GRM8: variants seen among roughly 807,000 people sequenced by gnomAD.
GRM8 encodes glutamate metabotropic receptor 8, also known as metabotropic glutamate receptor 8.
A neutral mutation model predicts 87.2 loss-of-function variants in GRM8; 47 were observed. The observed-to-expected ratio is 0.54, with a 90% confidence interval of 0.43 to 0.69. GRM8 has a LOEUF of 0.69. Among genes scored for constraint, GRM8 ranks in the 30% least tolerant of loss-of-function variants. The pLI is 0.00. For missense variants in GRM8, 1,019 were observed against 1,139.2 expected (o/e 0.89, Z 1.52); for synonymous variants, 396 against 404.5 (o/e 0.98, Z 0.25).
intron 1 of GRM8, among the ~76,000 whole-genome samples, chr7:127,245,172 T>C (rs1303071862): frequency 2.0e-5 from 3 of 152,226 alleles, no homozygotes; most frequent in Admixed American, 1.3e-4. Flanking sequence ...TGATAGGCCA[T>C]AAATTACACC....
intron 2 of GRM8, among the ~76,000 whole-genome samples, chr7:127,151,522 T>C (rs1828858956): frequency 6.6e-6 from 1 of 152,102 alleles, no homozygotes; most frequent in Admixed American, 6.6e-5. Context: ...ATTAAGGGGA[T>C]CATCAACAAC....
chr7:126,647,665 G>T (rs1803314511), intron 7 of GRM8, among the ~76,000 whole-genome samples: 1 of 152,068 alleles, frequency 6.6e-6, no homozygotes, highest in African/African-American at 2.4e-5. Flanking sequence ...TGAAGAATCT[G>T]GAGCCATCAT....
chr7:127,076,824 C>T (rs545502483), intron 3 of GRM8, among the ~76,000 whole-genome samples: 3 of 152,224 alleles, frequency 2.0e-5, no homozygotes, highest in Non-Finnish European at 4.4e-5. Flanking sequence ...AAGTGGAGAA[C>T]AGAAGTCACG....
intron 2 of GRM8, among the ~76,000 whole-genome samples, chr7:127,161,219 G>C (rs1200930696): frequency 6.6e-6 from 1 of 152,122 alleles, no homozygotes; most frequent in Non-Finnish European, 1.5e-5. Context: ...GTCTTCACAA[G>C]ATAAATCCCA....
intron 3 of GRM8, among the ~76,000 whole-genome samples, chr7:127,015,057 A>AGAAGAAGAG: frequency 8.4e-6 from 1 of 119,676 alleles, no homozygotes; most frequent in South Asian, 2.9e-4. Flanking sequence ...AAGAAGAAGA[A>AGAAGAAGAG]GAAGAAGAAG....
intron 7 of GRM8, among the ~76,000 whole-genome samples, chr7:126,753,517 T>G (rs10254692): frequency 0.42 from 63,624 of 151,350 alleles, 14,097 homozygotes; most frequent in Non-Finnish European, 0.48. Context: ...GCATTAAGAT[T>G]TCTGAAATTT....
intron 7 of GRM8, among the ~76,000 whole-genome samples, chr7:126,724,759 CAAA>C (rs34920309): frequency 2.5e-5 from 3 of 121,888 alleles, no homozygotes; most frequent in Admixed American, 1.7e-4. Context: ...AAACTATTTG[CAAA>C]AAAAAAAAAA....
chr7:127,033,770 A>G (rs886932870), intron 3 of GRM8, among the ~76,000 whole-genome samples: 1 of 152,196 alleles, frequency 6.6e-6, no homozygotes, highest in African/African-American at 2.4e-5. Flanking sequence ...TTTAAGAGAT[A>G]TAGAGAACAA....
intron 7 of GRM8, among the ~76,000 whole-genome samples, chr7:126,766,635 C>T (rs1818228212): frequency 6.6e-6 from 1 of 152,094 alleles, no homozygotes; most frequent in Non-Finnish European, 1.5e-5. Context: ...AATAGCTAGG[C>T]TAAAAACCTT....
At chr7:126,692,304 T>C (rs1808909948) in intron 7 of GRM8, among the ~76,000 whole-genome samples, 1 of 152,192 alleles carries the variant, frequency 6.6e-6, no homozygotes, top group Non-Finnish European at 1.5e-5. Context: ...CTACTATAAT[T>C]GGGTCAAACT....
chr7:127,186,657 A>T (rs192282584), intron 2 of GRM8, among the ~76,000 whole-genome samples: 73 of 152,222 alleles, frequency 4.8e-4, no homozygotes, highest in African/African-American at 1.7e-3. Flanking sequence ...TCTGTTACCT[A>T]CCTAAACTCT....
At chr7:126,630,511 G>A (rs372796416) in intron 7 of GRM8, among the ~76,000 whole-genome samples, 1 of 152,062 alleles carries the variant, frequency 6.6e-6, no homozygotes, top group African/African-American at 2.4e-5. Context: ...GAAAAGGTTG[G>A]ATTCCTCTCT....
intron 9 of GRM8, among the ~76,000 whole-genome samples, chr7:126,530,555 C>T (rs538711847): frequency 2.8e-4 from 42 of 152,284 alleles, no homozygotes; most frequent in Non-Finnish European, 3.5e-4. Context: ...CAATGCCGGA[C>T]ACAATGCTCA....
chr7:126,994,023 T>C (rs1812932443), intron 3 of GRM8, among the ~76,000 whole-genome samples: 1 of 152,170 alleles, frequency 6.6e-6, no homozygotes, highest in Admixed American at 6.5e-5. Flanking sequence ...AGGGGAGTGC[T>C]TGTGCAACTC....
intron 7 of GRM8, among the ~76,000 whole-genome samples, chr7:126,709,407 A>T (rs1810871027): frequency 6.6e-6 from 1 of 152,086 alleles, no homozygotes; most frequent in African/African-American, 2.4e-5. Context: ...AAGAAAAAAG[A>T]AAAAGAAGAA....
chr7:126,915,071 C>T (rs551076408), intron 3 of GRM8, among the ~76,000 whole-genome samples: 4 of 152,268 alleles, frequency 2.6e-5, no homozygotes, highest in Non-Finnish European at 5.9e-5. Flanking sequence ...ACAGGGTCAG[C>T]GTCCACGCTG....
At chr7:126,902,220 T>C (rs1420523378) in intron 6 of GRM8, among the ~76,000 whole-genome samples, 2 of 152,140 alleles carry the variant, frequency 1.3e-5, no homozygotes, top group African/African-American at 2.4e-5. Flanking sequence ...TGGAGAGCAA[T>C]ACCATGTCTT....
At chr7:127,040,146 C>A (rs1470583647) in intron 3 of GRM8, among the ~76,000 whole-genome samples, 2 of 150,010 alleles carry the variant, frequency 1.3e-5, no homozygotes, top group East Asian at 4.0e-4. Flanking sequence ...TAGTCCAGGT[C>A]TAAGGCAAGT....
intron 2 of GRM8, among the ~76,000 whole-genome samples, chr7:127,220,831 A>G (rs1796880266): frequency 6.6e-6 from 1 of 152,166 alleles, no homozygotes; most frequent in Admixed American, 6.5e-5. Context: ...AGTAAATCCC[A>G]TTGTAACCAC....
Sources: allele counts gnomAD v4.1 joint callset (sites outside exome capture counted in the v4.1 genomes callset), GRCh38; gene constraint gnomAD v4.1.1; transcripts MANE v1.5; gene names NCBI Gene and HGNC (gene_info 2026-07-23, HGNC 2026-07-21).